The following PLD5 variants were observed in gnomAD, a reference collection of about 807,000 sequenced individuals.
PLD5 encodes inactive phospholipase D5.
In PLD5, 36 loss-of-function variants were observed where a neutral mutation model predicts 61.1. The ratio of observed to expected loss-of-function variants is 0.59; its 90% CI spans 0.45 to 0.78. PLD5 has a LOEUF of 0.78. Among genes scored for constraint, PLD5 ranks in the 30% least tolerant of loss-of-function variants. PLD5 has a pLI of 0.00. For missense variants in PLD5, 515 were observed against 644.4 expected, an observed-to-expected ratio of 0.80 and a Z score of 2.17; for synonymous variants, 243 against 242.8, an observed-to-expected ratio of 1.00 and a Z score of -0.01.
chr1:242,412,913 C>G (rs1302521182), intron 1 of PLD5, among the ~76,000 whole-genome samples: 1 of 152,190 alleles, frequency 6.6e-6, no homozygotes, highest in Non-Finnish European at 1.5e-5. Context: ...AGGGGCTGCA[C>G]TGTCTTACGT....
chr1:242,181,425 C>T (rs1420864559), intron 5 of PLD5, among the ~76,000 whole-genome samples: 1 of 151,966 alleles, frequency 6.6e-6, no homozygotes, highest in Non-Finnish European at 1.5e-5. Context: ...TAAAATATAT[C>T]GATAATTTTT....
intron 7 of PLD5, among the ~76,000 whole-genome samples, chr1:242,108,720 C>T (rs896836149): frequency 2.0e-5 from 3 of 152,338 alleles, no homozygotes; most frequent in African/African-American, 7.2e-5. Flanking sequence ...ACTCATCAAA[C>T]TCTTGCCCTA....
At chr1:242,396,647 G>A (rs1663586459) in intron 1 of PLD5, among the ~76,000 whole-genome samples, 1 of 148,488 alleles carries the variant, frequency 6.7e-6, no homozygotes, top group Non-Finnish European at 1.5e-5. Flanking sequence ...AAGCCAGCAT[G>A]CTATTTTCTT....
chr1:242,125,745 G>A (rs1662732009), intron 5 of PLD5, among the ~76,000 whole-genome samples: 1 of 152,046 alleles, frequency 6.6e-6, no homozygotes. Context: ...CCTTCCCCAA[G>A]ACTCTTTACT....
chr1:242,139,042 A>G (rs1194006200), intron 5 of PLD5, among the ~76,000 whole-genome samples: 1 of 152,172 alleles, frequency 6.6e-6, no homozygotes, highest in Non-Finnish European at 1.5e-5. Context: ...CTTTTTGCAG[A>G]CCTGAATGCT....
At chr1:242,271,199 CACAG>C (rs1271674526) in intron 3 of PLD5, among the ~76,000 whole-genome samples, 5 of 13,232 alleles carry the variant, frequency 3.8e-4, no homozygotes, top group African/African-American at 6.6e-4. Context: ...CACACACACA[CACAG>C]AGAGAGAGAG....
chr1:242,377,354 T>G (rs1337237435), intron 1 of PLD5: 7 of 1,590,112 alleles, frequency 4.4e-6, no homozygotes, highest in Admixed American at 1.7e-5. Context: ...GTTGAGTGAT[T>G]GCTCCTCAGG....
At chr1:242,428,474 C>T (rs1378917749) in intron 1 of PLD5, among the ~76,000 whole-genome samples, 1 of 152,162 alleles carries the variant, frequency 6.6e-6, no homozygotes, top group Non-Finnish European at 1.5e-5. Context: ...GGAGCTTCAG[C>T]CCTGCTGTAG....
chr1:242,522,328 T>A (rs1669305813), intron 1 of PLD5, among the ~76,000 whole-genome samples: 1 of 152,202 alleles, frequency 6.6e-6, no homozygotes, highest in Non-Finnish European at 1.5e-5. Flanking sequence ...TGGTCTCCAA[T>A]CCTCAGAGGA....
chr1:242,444,729 T>C (rs1052529456), intron 1 of PLD5, among the ~76,000 whole-genome samples: 1 of 81,306 alleles, frequency 1.2e-5, no homozygotes, highest in Non-Finnish European at 3.4e-5. Context: ...ATAATATATA[T>C]ATTATTTGTA....
chr1:242,160,584 A>T (rs12124834), intron 5 of PLD5, among the ~76,000 whole-genome samples: 36,926 of 152,068 alleles, frequency 0.24, 4,856 homozygotes, highest in South Asian at 0.35. Flanking sequence ...AACTTTATTG[A>T]CACTGGAAAA....
At chr1:242,166,906 T>A (rs1158920119) in intron 5 of PLD5, among the ~76,000 whole-genome samples, 3 of 152,094 alleles carry the variant, frequency 2.0e-5, no homozygotes, top group Admixed American at 6.5e-5. Flanking sequence ...TATGATATGC[T>A]TCAATGTCCA....
At chr1:242,273,275 C>T (rs1218528374) in intron 3 of PLD5, among the ~76,000 whole-genome samples, 2 of 151,902 alleles carry the variant, frequency 1.3e-5, no homozygotes, top group African/African-American at 4.8e-5. Context: ...TTTATGGCTG[C>T]ATAGTATTCC....
intron 1 of PLD5, among the ~76,000 whole-genome samples, chr1:242,513,999 T>C (rs72765077): frequency 2.5e-3 from 378 of 152,344 alleles, no homozygotes; most frequent in Non-Finnish European, 4.3e-3. Flanking sequence ...AATTCCTATA[T>C]GGACCACTAA....
chr1:242,243,239 A>C (rs1011406121), intron 4 of PLD5, among the ~76,000 whole-genome samples: 3 of 152,224 alleles, frequency 2.0e-5, no homozygotes, highest in Non-Finnish European at 2.9e-5. Context: ...GTTTGAGTGG[A>C]AAAAGGCAGT....
rs1432896434 is a variant in PLD5, at chr1:242,205,821, A to C, written c.735+14167T>G. On this transcript the variant is annotated intron_variant, in intron 5 of 9. Transcript: ENST00000536534. ...ATACAACAGTGACCTCCTCCTGCCC[A>C]CTGCCACATACACTGGGTCTTTGAA... Among the ~76,000 whole-genome samples the C allele has an allele frequency of 2.6e-5, 4 of 152,230 alleles. No homozygotes were observed. In the East Asian group the frequency reaches 5.8e-4, roughly 22 times the overall value.
rs1281194798 is a variant in PLD5 at position 242,185,615 on chromosome 1, G to C, written c.735+34373C>G. Among the ~76,000 whole-genome samples the C allele has an allele frequency of 2.6e-5, 4 of 151,950 alleles. No homozygotes were observed. The East Asian group carries it at 7.7e-4, about 29-fold the overall frequency. ...AGAGAGATATTATACAAGGGAAACTGTTTATTTGTTAGAGAATCATACTCA... is the reference window on the plus strand; with the variant it reads ...AGAGAGATATTATACAAGGGAAACTCTTTATTTGTTAGAGAATCATACTCA... On this transcript the variant is annotated intron_variant, in intron 5 of 9. Coordinates refer to ENST00000536534, the MANE Select transcript of PLD5 (RefSeq NM_001372062.1).
At chr1:242,471,311 G>A (rs1479828478) in intron 1 of PLD5, among the ~76,000 whole-genome samples, 1 of 152,038 alleles carries the variant, frequency 6.6e-6, no homozygotes, top group African/African-American at 2.4e-5. Flanking sequence ...GGTTACTCTA[G>A]GATGTCCTTT....
chr1:242,304,999 C>T (rs1006086451), intron 2 of PLD5, among the ~76,000 whole-genome samples: 11 of 152,018 alleles, frequency 7.2e-5, no homozygotes, highest in African/African-American at 2.2e-4. Context: ...CCAGCTACCC[C>T]GGAGGCAGAG....
Sources: gnomAD v4.1 joint callset for allele counts (sites outside exome capture counted in the v4.1 genomes callset) on GRCh38, gnomAD v4.1.1 for gene constraint, MANE v1.5 for transcripts, NCBI Gene and HGNC (gene_info 2026-07-23, HGNC 2026-07-21) for gene names.